Variants in CPNE4 observed in about 807,000 individuals in gnomAD.
CPNE4 encodes copine-4.
A neutral mutation model predicts 67.9 loss-of-function variants in CPNE4; 25 were observed. That is an observed-to-expected ratio of 0.37 (90% CI 0.27 to 0.51). The LOEUF (loss-of-function observed/expected upper bound fraction) is 0.51, where lower values mean the gene tolerates loss of function less well. Among genes scored for constraint, CPNE4 ranks in the 20% least tolerant of loss-of-function variants. The pLI, the probability that CPNE4 is intolerant of heterozygous loss-of-function variation, is 0.93. For missense variants in CPNE4, 464 were observed against 690.8 expected (o/e 0.67, Z 3.68); for synonymous variants, 242 against 244.9 (o/e 0.99, Z 0.11).
intron 6 of CPNE4, among the ~76,000 whole-genome samples, chr3:131,677,792 T>C (rs375291793): frequency 3.3e-5 from 5 of 152,202 alleles, no homozygotes; most frequent in Non-Finnish European, 7.4e-5. Context: ...TTGGTCTATG[T>C]GTCTGTTCTT....
intron 1 of CPNE4, among the ~76,000 whole-genome samples, chr3:131,947,640 T>G (rs2071592126): frequency 6.6e-6 from 1 of 152,204 alleles, no homozygotes; most frequent in Non-Finnish European, 1.5e-5. Flanking sequence ...CTATCATTGA[T>G]GGGCATTTGG....
intron 2 of CPNE4, among the ~76,000 whole-genome samples, chr3:131,842,662 C>T (rs1054338924): frequency 1.4e-5 from 2 of 148,028 alleles, no homozygotes; most frequent in African/African-American, 5.0e-5. Flanking sequence ...TTACCTCCAA[C>T]AGGCAAGCTA....
chr3:131,581,965 T>A (rs1048468578), intron 8 of CPNE4, among the ~76,000 whole-genome samples: 1 of 152,228 alleles, frequency 6.6e-6, no homozygotes, highest in Non-Finnish European at 1.5e-5. Flanking sequence ...ATAATTATAC[T>A]CTATCTCATA....
intron 10 of CPNE4, among the ~76,000 whole-genome samples, chr3:131,567,596 C>T (rs1051490203): frequency 4.6e-5 from 7 of 151,908 alleles, no homozygotes; most frequent in Admixed American, 2.6e-4. Context: ...CCTACTATGT[C>T]ATTTTCATTC....
chr3:131,687,005 C>T (rs573226137), intron 5 of CPNE4, among the ~76,000 whole-genome samples: 4 of 152,062 alleles, frequency 2.6e-5, no homozygotes, highest in Non-Finnish European at 5.9e-5. Flanking sequence ...ACTTTCTATC[C>T]ACACTATTTT....
chr3:131,564,067 G>C, intron 11 of CPNE4, 149 bp downstream of exon 11: 1 of 882,400 alleles, frequency 1.1e-6, no homozygotes, highest in South Asian at 1.5e-5. Flanking sequence ...TACAAACTTA[G>C]TTTTTCTAGT....
At chr3:131,831,174 T>C (rs879839922) in intron 2 of CPNE4, among the ~76,000 whole-genome samples, 1 of 152,062 alleles carries the variant, frequency 6.6e-6, no homozygotes, top group Non-Finnish European at 1.5e-5. Context: ...AAGAAAAACA[T>C]TGTCATGTTC....
intron 1 of CPNE4, among the ~76,000 whole-genome samples, chr3:131,978,172 TGTAA>T (rs1560720940): frequency 1.4e-4 from 10 of 71,452 alleles, no homozygotes; most frequent in African/African-American, 4.9e-4. Flanking sequence ...TATATAAATA[TGTAA>T]ATATATATAA....
At position 131,714,959 on chromosome 3, in the gene CPNE4, C is replaced by G. The variant is rs117564207; in HGVS notation, c.360+8487G>C. On this transcript the variant is annotated intron_variant, in intron 3 of 15. Transcript: ENST00000429747. ...TTGGCTTTGACAGGTGTCCTCTGAA[C>G]TTCTGGAGGAGACATACACTGAAGA... 1.5e-3 allele frequency among the ~76,000 whole-genome samples: 226 copies of G among 152,210 alleles called. 4 individuals are homozygous for G. The East Asian group carries it at 0.039, about 26-fold the overall frequency.
chr3:131,613,269 C>T (rs1559983676), intron 7 of CPNE4, among the ~76,000 whole-genome samples: 1 of 152,156 alleles, frequency 6.6e-6, no homozygotes, highest in Admixed American at 6.5e-5. Flanking sequence ...AGTGAGATTA[C>T]CATCTCATCT....
At chr3:131,902,847 G>A (rs2107769422) in intron 2 of CPNE4, among the ~76,000 whole-genome samples, 1 of 152,032 alleles carries the variant, frequency 6.6e-6, no homozygotes, top group South Asian at 2.1e-4. Context: ...GACTAACAAA[G>A]TCAATGAGAA....
intron 2 of CPNE4, among the ~76,000 whole-genome samples, chr3:131,852,060 A>T (rs182710643): frequency 8.5e-5 from 13 of 152,114 alleles, no homozygotes; most frequent in African/African-American, 3.1e-4. Flanking sequence ...ATTAAGCAAA[A>T]CCTACTTTTG....
At chr3:131,791,588 T>A (rs1385998212) in intron 2 of CPNE4, among the ~76,000 whole-genome samples, 2 of 152,196 alleles carry the variant, frequency 1.3e-5, no homozygotes, top group Admixed American at 6.6e-5. Flanking sequence ...ACAAGCTTAC[T>A]TTATTTGAAA....
chr3:131,952,824 G>C (rs565985926), intron 1 of CPNE4, among the ~76,000 whole-genome samples: 21 of 152,358 alleles, frequency 1.4e-4, no homozygotes, highest in African/African-American at 3.8e-4. Flanking sequence ...GGAAAAGATT[G>C]AGAAATCGGA....
chr3:131,695,415 T>C (rs1366423434), intron 5 of CPNE4, among the ~76,000 whole-genome samples: 1 of 148,894 alleles, frequency 6.7e-6, no homozygotes, highest in Non-Finnish European at 1.5e-5. Flanking sequence ...CCAACAAACC[T>C]CCAAGCCCGC....
chr3:131,863,119 T>C (rs1305741458), intron 2 of CPNE4, among the ~76,000 whole-genome samples: 1 of 152,210 alleles, frequency 6.6e-6, no homozygotes, highest in Non-Finnish European at 1.5e-5. Flanking sequence ...TGTTGGACAT[T>C]TGGGTTGGTT....
chr3:131,599,975 T>A (rs1463863980), intron 7 of CPNE4, among the ~76,000 whole-genome samples: 1 of 152,140 alleles, frequency 6.6e-6, no homozygotes, highest in African/African-American at 2.4e-5. Flanking sequence ...GGAAGTGATT[T>A]TGATGAAACA....
intron 7 of CPNE4, among the ~76,000 whole-genome samples, chr3:131,607,791 C>T (rs1026398772): frequency 1.3e-5 from 2 of 152,092 alleles, no homozygotes; most frequent in Non-Finnish European, 2.9e-5. Context: ...GAAGTTAAAC[C>T]GTTTTTGCTA....
chr3:132,022,544 T>C (rs2074020963), intron 1 of CPNE4, among the ~76,000 whole-genome samples: 1 of 147,636 alleles, frequency 6.8e-6, no homozygotes, highest in African/African-American at 2.5e-5. Context: ...AGAAATGTAT[T>C]TCCTGTACAC....
Sources: gnomAD v4.1 joint callset for allele counts (sites outside exome capture counted in the v4.1 genomes callset) on GRCh38, gnomAD v4.1.1 for gene constraint, MANE v1.5 for transcripts, NCBI Gene and HGNC (gene_info 2026-07-23, HGNC 2026-07-21) for gene names.